APC: variants seen among roughly 807,000 people sequenced by gnomAD.
APC encodes adenomatous polyposis coli protein.
APC carries 72 observed loss-of-function variants against 247.0 expected under a neutral mutation model. The ratio of observed to expected loss-of-function variants is 0.29; its 90% CI spans 0.24 to 0.35. The LOEUF is 0.35. Ranked by LOEUF, APC falls within the 10% of genes least tolerant of loss-of-function variation. The pLI is 1.00. For synonymous variants in APC, 1,254 were observed against 1,162.5 expected (o/e 1.08, Z -1.60); for missense variants, 3,400 against 3,360.7 (o/e 1.01, Z -0.29).
At chr5:112,722,006 C>G (rs1165932035) in intron 1 of APC, among the ~76,000 whole-genome samples, 3 of 152,154 alleles carry the variant, frequency 2.0e-5, no homozygotes, top group Non-Finnish European at 2.9e-5. Context: ...CCTTCAGTAT[C>G]CTATTCCTAT....
intron 6 of APC, chr5:112,783,777 A>G: frequency 2.5e-6 from 1 of 393,212 alleles, no homozygotes. Context: ...AAAAAAAAAA[A>G]AAAAAAAGAG....
At chr5:112,736,651 C>G (rs1041144731), upstream of APC, among the ~76,000 whole-genome samples, 5 of 152,210 alleles carry the variant, frequency 3.3e-5, no homozygotes, top group South Asian at 2.1e-4. Flanking sequence ...CACAGTGGCT[C>G]ACGCATGTAA....
chr5:112,715,913 C>T (rs1428533695), intron 1 of APC, among the ~76,000 whole-genome samples: 1 of 152,068 alleles, frequency 6.6e-6, no homozygotes, highest in Non-Finnish European at 1.5e-5. Context: ...AATTTACTGG[C>T]ATGAAATTGT....
At chr5:112,716,955 A>C (rs1408767374) in intron 1 of APC, among the ~76,000 whole-genome samples, 1 of 152,138 alleles carries the variant, frequency 6.6e-6, no homozygotes, top group Non-Finnish European at 1.5e-5. Context: ...CAGATGATGC[A>C]CTTTAATTCT....
Position 112,711,391 on chromosome 5 carries a change from A to G in APC, c.165+3509A>G, listed in dbSNP as rs533858074. Among the ~76,000 whole-genome samples the G allele has an allele frequency of 1.8e-4, 27 of 152,308 alleles. No homozygotes were observed. In the South Asian group the frequency reaches 5.2e-3, roughly 29 times the overall value. ...TCCACAAAACCATTCCCTGGTGCCA[A>G]AAAGGTTGGGGACTGCTGCCTTAGA... is the stretch of plus-strand genomic sequence containing the variant. On this transcript the variant is annotated intron_variant, in intron 1 of 13. Transcript: ENST00000507379.
chr5:112,805,150 TTTAC>T (rs527674095), intron 8 of APC, among the ~76,000 whole-genome samples: 25 of 152,266 alleles, frequency 1.6e-4, no homozygotes, highest in African/African-American at 4.8e-4. Context: ...TTTTGTGGGT[TTTAC>T]TTATTCTTTT....
chr5:112,844,893 A>T lies in APC; in HGVS notation c.*767A>T. On this transcript the variant is annotated 3_prime_UTR_variant, in exon 16 of 16. Coordinates refer to ENST00000257430, the MANE Select transcript of APC (RefSeq NM_000038.6). ...TGTATATTCTGGTATTTGAGGTGAG[A>T]TGGCTGCTCTTTTATTAATGAGACA... 4.3e-6 allele frequency: 1 copy of T among 232,488 alleles called. No individual in the cohort carries two copies. Among genetic ancestry groups the T allele is most frequent in the East Asian group, 6.1e-5 (1 of 16,370 alleles). The allele number at this position is 232,488 out of a possible 1,614,324, so 14.4% of individuals were successfully genotyped here. A position where few individuals can be genotyped will look rare whatever the true frequency, so the allele number is the denominator to read the frequency against.
At chr5:112,714,965 A>G (rs1477849252) in intron 1 of APC, among the ~76,000 whole-genome samples, 1 of 152,202 alleles carries the variant, frequency 6.6e-6, no homozygotes, top group African/African-American at 2.4e-5. Flanking sequence ...TATAACATCT[A>G]TTGAAATAGA....
intron 2 of APC, among the ~76,000 whole-genome samples, chr5:112,764,146 T>G (rs1755995471): frequency 6.7e-6 from 1 of 149,944 alleles, no homozygotes; most frequent in African/African-American, 2.5e-5. Context: ...CTGGGGAGGC[T>G]GAGGCAGGAG....
chr5:112,732,889 T>C (rs1041188590), upstream of APC, among the ~76,000 whole-genome samples: 2 of 152,226 alleles, frequency 1.3e-5, no homozygotes, highest in Non-Finnish European at 2.9e-5. Flanking sequence ...TCCTTTACTT[T>C]AAAAAATTGT....
At chr5:112,717,311 G>A (rs1410339602) in intron 1 of APC, among the ~76,000 whole-genome samples, 2 of 151,982 alleles carry the variant, frequency 1.3e-5, no homozygotes, top group East Asian at 1.9e-4. Flanking sequence ...GTTTTGTTGT[G>A]CATTTTAATT....
At position 112,842,408 on chromosome 5, in the gene APC, A is replaced by G. The variant is rs1561610453; in HGVS notation, c.6814A>G (p.Arg2272Gly). Residue 2272 changes from arginine to glycine, a missense_variant, in exon 16 of 16, where the codon AGA (arginine) becomes GGA (glycine). Around this residue, in one of 9 missense-constraint regions of APC, gnomAD observed 1,788 missense variants for 1,649.5 expected, o/e 1.08. Transcript: ENST00000257430. Reference protein sequence around the residue: ...SEGQTATTSPRGAKPSVKSEL... With the variant: ...SEGQTATTSPGGAKPSVKSEL... ...AGGTCAAACAGCCACCACTTCTCCT[A>G]GAGGAGCCAAGCCATCTGTGAAATC... 7 of 1,614,084 alleles carry G rather than the reference A, an allele frequency of 4.3e-6. No individual in the cohort carries two copies. The highest frequency in any genetic ancestry group is 1.1e-5 in the South Asian group (1 of 91,082).
rs1766848318 is a variant in APC, at chr5:112,844,761, CAAACA to C, written c.*644_*648del. On this transcript the variant is annotated 3_prime_UTR_variant, in exon 16 of 16. Transcript: ENST00000257430. ...TAATAATTTACACTATTTTGTGCTCCAAACAAAACAAAAATCTGTGTAACTGTAAA... is the reference window on the plus strand; with the variant it reads ...TAATAATTTACACTATTTTGTGCTCCAAACAAAAATCTGTGTAACTGTAAA... 2 of 231,602 alleles carry C rather than the reference CAAACA, an allele frequency of 8.6e-6. No individual in the cohort carries two copies. The highest frequency in any genetic ancestry group is 5.6e-5 in the Admixed American group (1 of 17,738). 14.3% of individuals were successfully genotyped at this position (231,602 alleles called of 1,614,324 possible).
At chr5:112,809,131 C>T (rs535067032) in intron 8 of APC, among the ~76,000 whole-genome samples, 1 of 151,728 alleles carries the variant, frequency 6.6e-6, no homozygotes, top group African/African-American at 2.4e-5. Flanking sequence ...GCAGGTGGAT[C>T]ACTTGAACCC....
In APC at chr5:112,813,654, G is replaced by A. The variant is rs79512327; in HGVS notation, c.835-1841G>A. The stretch of plus-strand genomic sequence containing the variant: ...TCACCATAGCTGGGCTCATTGGCTC[G>A]TGCCTGTAGTCCCGGCTACTCTGGA... On this transcript the variant is annotated intron_variant, in intron 8 of 15. Transcript: ENST00000257430. Among the ~76,000 whole-genome samples, 24 of 151,758 alleles carry A rather than the reference G, an allele frequency of 1.6e-4. No individual in the cohort carries two copies. The East Asian group carries it at 3.7e-3, about 23-fold the overall frequency.
chr5:112,823,141 T>C (rs926279910), intron 11 of APC, among the ~76,000 whole-genome samples: 2 of 152,156 alleles, frequency 1.3e-5, no homozygotes, highest in Non-Finnish European at 2.9e-5. Context: ...AGGAAGGGGA[T>C]AAAAAATAAT....
chr5:112,819,235 G>A lies in APC; in HGVS notation c.1203G>A (p.Arg401=), dbSNP rs587780589. Residue 401 remains arginine (R), a synonymous_variant, in exon 10 of 16, where the codon AGG becomes AGA. Coordinates refer to ENST00000257430, the MANE Select transcript of APC (RefSeq NM_000038.6). ...IHSQPDDKRG[R]REIRVLHLLE... is the part of the protein sequence containing the mutation. ...CACAGCCTGATGACAAGAGAGGCAG[G>A]CGTGAAATCCGAGTCCTTCATCTTT... is the stretch of plus-strand genomic sequence containing the variant. The A allele has an allele frequency of 6.2e-7, 1 of 1,613,968 alleles. No individual in the cohort carries two copies. The highest frequency in any genetic ancestry group is 8.5e-7 in the Non-Finnish European group (1 of 1,179,942).
chr5:112,797,858 A>G (rs1760376480), intron 7 of APC, among the ~76,000 whole-genome samples: 1 of 152,206 alleles, frequency 6.6e-6, no homozygotes. Flanking sequence ...CATTAAGGAA[A>G]TGCAAATCAA....
intron 14 of APC, among the ~76,000 whole-genome samples, chr5:112,833,947 TA>T (rs1463229096): frequency 6.6e-6 from 1 of 152,110 alleles, no homozygotes; most frequent in Non-Finnish European, 1.5e-5. Flanking sequence ...TACAGAATTT[TA>T]AAAATCTACT....
Sources: allele counts gnomAD v4.1 joint callset (sites outside exome capture counted in the v4.1 genomes callset), GRCh38; gene constraint gnomAD v4.1.1; regional missense constraint gnomAD v4.1.1; transcripts MANE v1.5; gene names NCBI Gene and HGNC (gene_info 2026-07-23, HGNC 2026-07-21).